TADA2A: variants seen among roughly 807,000 people sequenced by gnomAD.
The protein encoded by TADA2A is transcriptional adaptor 2A.
TADA2A carries 38 observed loss-of-function variants against 67.4 expected under a neutral mutation model. The ratio of observed to expected loss-of-function variants is 0.56; its 90% CI spans 0.44 to 0.74. The LOEUF (loss-of-function observed/expected upper bound fraction) is 0.74, where lower values mean the gene tolerates loss of function less well. Ranked by LOEUF, TADA2A falls within the 30% of genes least tolerant of loss-of-function variation. TADA2A has a pLI of 0.00. For synonymous variants in TADA2A, 192 were observed against 181.6 expected (o/e 1.06, Z -0.46); for missense variants, 454 against 547.0 (o/e 0.83, Z 1.70).
chr17:37,472,139 C>T (rs554931892), intron 14 of TADA2A, among the ~76,000 whole-genome samples: 90 of 152,038 alleles, frequency 5.9e-4, no homozygotes, highest in African/African-American at 2.1e-3. Flanking sequence ...GATCTTGGCT[C>T]ACTGCAACCT....
chr17:37,431,372 G>A (rs1481721735), intron 4 of TADA2A, among the ~76,000 whole-genome samples: 2 of 151,724 alleles, frequency 1.3e-5, no homozygotes, highest in African/African-American at 4.8e-5. Context: ...TATAGGCATA[G>A]ACTCCAAAAT....
chr17:37,460,040 T>C (rs1300658736), intron 9 of TADA2A, among the ~76,000 whole-genome samples: 1 of 149,812 alleles, frequency 6.7e-6, no homozygotes, highest in East Asian at 2.1e-4. Context: ...CACTCCAGCC[T>C]GGGCGACAGG....
intron 1 of TADA2A, 150 bp from the exon 2 acceptor site, chr17:37,411,119 A>C: frequency 1.7e-6 from 1 of 577,524 alleles, no homozygotes; most frequent in African/African-American, 1.9e-5. Context: ...TATACCCACT[A>C]CAGAGGAAGA....
intron 9 of TADA2A, among the ~76,000 whole-genome samples, chr17:37,461,221 C>T (rs1024332018): frequency 6.6e-6 from 1 of 152,048 alleles, no homozygotes; most frequent in African/African-American, 2.4e-5. Context: ...ATAGGGATCG[C>T]GCTCCTGTGA....
At chr17:37,433,673 C>G (rs2052637083) in intron 4 of TADA2A, among the ~76,000 whole-genome samples, 1 of 151,898 alleles carries the variant, frequency 6.6e-6, no homozygotes, top group Admixed American at 6.6e-5. Flanking sequence ...GAAAAAAGGG[C>G]TGAGCTCGGT....
chr17:37,457,282 G>A (rs2053420546), intron 8 of TADA2A, among the ~76,000 whole-genome samples: 1 of 143,558 alleles, frequency 7.0e-6, no homozygotes, highest in South Asian at 2.2e-4. Context: ...CCAGGTTCAA[G>A]CAACTGTCCT....
At chr17:37,449,022 T>C (rs1327021991) in intron 8 of TADA2A, among the ~76,000 whole-genome samples, 1 of 152,152 alleles carries the variant, frequency 6.6e-6, no homozygotes, top group East Asian at 1.9e-4. Flanking sequence ...TCACTGTTTT[T>C]TTTTTTTATT....
chr17:37,454,972 T>G (rs1351363687), intron 8 of TADA2A: 1 of 165,520 alleles, frequency 6.0e-6, no homozygotes, highest in Non-Finnish European at 1.3e-5. Flanking sequence ...GATTGGACTG[T>G]AGAAAAATAT....
At chr17:37,431,906 T>C (rs2052579389) in intron 4 of TADA2A, among the ~76,000 whole-genome samples, 1 of 152,212 alleles carries the variant, frequency 6.6e-6, no homozygotes, top group Non-Finnish European at 1.5e-5. Context: ...GCAAGTATCC[T>C]AGACAGTATA....
intron 9 of TADA2A, among the ~76,000 whole-genome samples, chr17:37,458,867 G>T (rs531412560): frequency 8.5e-5 from 13 of 152,124 alleles, no homozygotes; most frequent in African/African-American, 3.1e-4. Flanking sequence ...TTGTAGATAC[G>T]GGGTTTTGCT....
chr17:37,415,935 T>A (rs2052029783), intron 2 of TADA2A, among the ~76,000 whole-genome samples: 1 of 141,360 alleles, frequency 7.1e-6, no homozygotes, highest in African/African-American at 2.5e-5. Context: ...TTGTCAGGCA[T>A]TGAAACTTTT....
intron 2 of TADA2A, among the ~76,000 whole-genome samples, chr17:37,415,257 C>T (rs1353247151): frequency 6.6e-6 from 1 of 152,164 alleles, no homozygotes; most frequent in Non-Finnish European, 1.5e-5. Context: ...CTTCAATCAG[C>T]ACCAGGATTG....
At chr17:37,435,454 A>G (rs1020798757) in intron 4 of TADA2A, among the ~76,000 whole-genome samples, 2 of 151,752 alleles carry the variant, frequency 1.3e-5, no homozygotes, top group East Asian at 3.9e-4. Flanking sequence ...ACACCCGGCT[A>G]ATTTTTTGTA....
At chr17:37,407,415 G>A (rs118185891) in intron 1 of TADA2A, 3,950 of 152,364 alleles carry the variant, frequency 0.026, 74 homozygotes, top group Non-Finnish European at 0.042. Context: ...TTTGAACGTT[G>A]GCTCCACAAC....
At chr17:37,419,256 G>T (rs919098318) in intron 2 of TADA2A, among the ~76,000 whole-genome samples, 1 of 144,192 alleles carries the variant, frequency 6.9e-6, no homozygotes, top group African/African-American at 2.5e-5. Context: ...CTGCAGACTC[G>T]ATCTCAGCTC....
intron 8 of TADA2A, among the ~76,000 whole-genome samples, chr17:37,451,639 C>G (rs1356456037): frequency 6.6e-6 from 1 of 151,938 alleles, no homozygotes; most frequent in African/African-American, 2.4e-5. Context: ...AAAATTAAAT[C>G]ACTCCTACAC....
intron 10 of TADA2A, among the ~76,000 whole-genome samples, 161 bp downstream of exon 10, chr17:37,462,282 C>G (rs570059291): frequency 6.6e-6 from 1 of 152,196 alleles, no homozygotes; most frequent in East Asian, 1.9e-4. Flanking sequence ...GGCACAGCAC[C>G]TGCATTTTTA....
intron 8 of TADA2A, among the ~76,000 whole-genome samples, chr17:37,446,883 C>G (rs2053098371): frequency 6.6e-6 from 1 of 152,228 alleles, no homozygotes; most frequent in East Asian, 1.9e-4. Context: ...TTCTGGTTCA[C>G]TTGGGGTCCT....
At chr17:37,430,544 G>C (rs1008322129) in intron 4 of TADA2A, among the ~76,000 whole-genome samples, 7 of 152,124 alleles carry the variant, frequency 4.6e-5, no homozygotes, top group Admixed American at 4.6e-4. Context: ...TTAGAACTTT[G>C]AACAAGTCAA....
Sources: gnomAD v4.1 joint callset for allele counts (sites outside exome capture counted in the v4.1 genomes callset) on GRCh38, gnomAD v4.1.1 for gene constraint, MANE v1.5 for transcripts, NCBI Gene and HGNC (gene_info 2026-07-23, HGNC 2026-07-21) for gene names.